ZNF385D: variants seen among roughly 807,000 people sequenced by gnomAD.
ZNF385D encodes zinc finger protein 659.
Under a neutral mutation model 35.8 loss-of-function variants are expected in ZNF385D, and 15 were observed. That is an observed-to-expected ratio of 0.42 (90% CI 0.28 to 0.64). The LOEUF (loss-of-function observed/expected upper bound fraction) is 0.64. ZNF385D is among the 30% of genes least tolerant of loss of function. The pLI is 0.23. For missense variants in ZNF385D, 474 were observed against 494.6 expected, an observed-to-expected ratio of 0.96 and a Z score of 0.39; for synonymous variants, 212 against 186.8, an observed-to-expected ratio of 1.13 and a Z score of -1.10.
At chr3:22,280,963 T>G (rs886372101) in intron 2 of ZNF385D, among the ~76,000 whole-genome samples, 11 of 152,118 alleles carry the variant, frequency 7.2e-5, no homozygotes, top group Admixed American at 2.0e-4. Context: ...GTTAAGTATA[T>G]TCCTACATTT....
intron 3 of ZNF385D, among the ~76,000 whole-genome samples, chr3:22,144,215 T>C (rs961724243): frequency 6.6e-6 from 1 of 152,174 alleles, no homozygotes; most frequent in South Asian, 2.1e-4. Flanking sequence ...AGTTCAAAAA[T>C]AGAGACAACA....
intron 3 of ZNF385D, among the ~76,000 whole-genome samples, chr3:21,843,492 C>T (rs1226195733): frequency 1.3e-5 from 2 of 151,686 alleles, no homozygotes; most frequent in Non-Finnish European, 2.9e-5. Context: ...GCTCTGTAGC[C>T]CAAGCACGTG....
intron 2 of ZNF385D, among the ~76,000 whole-genome samples, chr3:21,569,347 G>C (rs1288310626): frequency 6.7e-6 from 1 of 148,918 alleles, no homozygotes; most frequent in Non-Finnish European, 1.5e-5. Context: ...GATCTTTGTT[G>C]GTTTAAAGTC....
rs1700505053 is a variant in ZNF385D at position 21,412,418 on chromosome 3, C to A, written c.*8796G>T. 6.6e-6 allele frequency: 1 copy of A among 151,880 alleles called. No individual in the cohort carries two copies. The highest frequency in any genetic ancestry group is 6.6e-5 in the Admixed American group (1 of 15,248). 9.4% of individuals were successfully genotyped at this position (151,880 alleles called of 1,614,324 possible). On this transcript the variant is annotated 3_prime_UTR_variant, in exon 8 of 8. Coordinates refer to ENST00000281523, the MANE Select transcript of ZNF385D (RefSeq NM_024697.3). ...GAACATAGAGAATACATAATTTGTT[C>A]TAATATTCCTCTTCCTTAGAGCCTT... is the stretch of plus-strand genomic sequence containing the variant.
chr3:22,040,047 G>A (rs1198577102), intron 3 of ZNF385D, among the ~76,000 whole-genome samples: 1 of 152,080 alleles, frequency 6.6e-6, no homozygotes, highest in Non-Finnish European at 1.5e-5. Flanking sequence ...CCATGCATTC[G>A]TACTAACGGC....
At chr3:21,986,811 T>C (rs1694829533) in intron 3 of ZNF385D, among the ~76,000 whole-genome samples, 1 of 91,632 alleles carries the variant, frequency 1.1e-5, no homozygotes, top group Admixed American at 1.1e-4. Flanking sequence ...CTAAGTCTCT[T>C]TGTAGGTCAC....
At chr3:22,144,903 T>C (rs1023110718) in intron 3 of ZNF385D, among the ~76,000 whole-genome samples, 6 of 152,174 alleles carry the variant, frequency 3.9e-5, no homozygotes, top group Admixed American at 1.3e-4. Context: ...TAAATAAGTT[T>C]GCTTGATGAA....
chr3:21,726,412 C>T (rs529776088), intron 1 of ZNF385D, among the ~76,000 whole-genome samples: 5 of 152,120 alleles, frequency 3.3e-5, no homozygotes, highest in African/African-American at 4.8e-5. Context: ...ATGACATGAT[C>T]GTATATTTAG....
chr3:21,508,858 A>G (rs1261954380), intron 4 of ZNF385D, among the ~76,000 whole-genome samples: 1 of 152,120 alleles, frequency 6.6e-6, no homozygotes, highest in African/African-American at 2.4e-5. Flanking sequence ...TCTTTAAACT[A>G]GATTCTGACC....
chr3:21,578,754 A>T (rs1218088111), intron 2 of ZNF385D, among the ~76,000 whole-genome samples: 1 of 152,144 alleles, frequency 6.6e-6, no homozygotes, highest in Admixed American at 6.6e-5. Context: ...TGAATTTTGA[A>T]GTCAGGTAGT....
At chr3:22,329,407 C>T (rs1469149341) in intron 2 of ZNF385D, among the ~76,000 whole-genome samples, 1 of 152,122 alleles carries the variant, frequency 6.6e-6, no homozygotes, top group Non-Finnish European at 1.5e-5. Flanking sequence ...TTTCATAGGT[C>T]ACCTATTGGT....
intron 2 of ZNF385D, among the ~76,000 whole-genome samples, chr3:21,623,685 AACCACAATGTCTTTGTGT>A (rs1354501405): frequency 6.6e-6 from 1 of 152,000 alleles, no homozygotes; most frequent in Non-Finnish European, 1.5e-5. Flanking sequence ...AAAAACAAAA[AACCACAATGTCTTTGTGT>A]ACACATGGTC....
At chr3:22,182,858 A>G (rs575852685) in intron 2 of ZNF385D, among the ~76,000 whole-genome samples, 2 of 152,070 alleles carry the variant, frequency 1.3e-5, no homozygotes, top group East Asian at 3.8e-4. Flanking sequence ...GATTTTTTTC[A>G]TATGTAGGAG....
intron 2 of ZNF385D, among the ~76,000 whole-genome samples, chr3:21,595,020 C>T (rs568493416): frequency 7.2e-5 from 11 of 152,248 alleles, no homozygotes; most frequent in Admixed American, 2.0e-4. Flanking sequence ...CCAGCATTAA[C>T]GAGTTGTGAC....
At chr3:21,432,439 G>A (rs9823869) in intron 5 of ZNF385D, among the ~76,000 whole-genome samples, 1 of 152,008 alleles carries the variant, frequency 6.6e-6, no homozygotes, top group South Asian at 2.1e-4. Context: ...ACTAGAATGT[G>A]TTTAGCAAAA....
Position 21,778,903 on chromosome 3 carries a change from G to A in ZNF385D, c.326-113875C>T, listed in dbSNP as rs867223951. On this transcript the variant is annotated intron_variant, in intron 3 of 5. Transcript: ENST00000494108. The stretch of plus-strand genomic sequence containing the variant: ...ATAGTCTGGAACATTACTATATGAG[G>A]ACCAGGTCCTATTAATATCCCTGCT... Among the ~76,000 whole-genome samples, 3 of 151,876 alleles carry A rather than the reference G, an allele frequency of 2.0e-5. No individual in the cohort carries two copies. In the South Asian group the frequency reaches 6.2e-4, roughly 31 times the overall value.
chr3:22,304,840 A>G (rs1703116128), intron 2 of ZNF385D, among the ~76,000 whole-genome samples: 1 of 152,104 alleles, frequency 6.6e-6, no homozygotes, highest in Admixed American at 6.5e-5. Context: ...CCCTATTTCA[A>G]TTAATGTCTC....
chr3:21,767,673 T>C (rs190105050), intron 3 of ZNF385D, among the ~76,000 whole-genome samples: 1 of 151,200 alleles, frequency 6.6e-6, no homozygotes, highest in African/African-American at 2.4e-5. Flanking sequence ...GGAAGAGAGT[T>C]AAGGTGGGGG....
intron 3 of ZNF385D, among the ~76,000 whole-genome samples, chr3:22,148,484 G>A (rs1576403447): frequency 1.3e-5 from 2 of 152,276 alleles, no homozygotes; most frequent in African/African-American, 2.4e-5. Context: ...GCCAGCCACA[G>A]TTTAAAAATA....
Sources: allele counts gnomAD v4.1 joint callset (sites outside exome capture counted in the v4.1 genomes callset), GRCh38; gene constraint gnomAD v4.1.1; transcripts MANE v1.5; gene names NCBI Gene and HGNC (gene_info 2026-07-23, HGNC 2026-07-21).